Variants in CNTNAP5 observed in about 807,000 individuals in gnomAD.
The protein encoded by CNTNAP5 is contactin associated protein family member 5.
CNTNAP5 carries 72 observed loss-of-function variants against 150.2 expected under a neutral mutation model. The ratio of observed to expected loss-of-function variants is 0.48; its 90% CI spans 0.40 to 0.58. The LOEUF (loss-of-function observed/expected upper bound fraction) is 0.58. Among genes scored for constraint, CNTNAP5 ranks in the 20% least tolerant of loss-of-function variants. The probability of loss-of-function intolerance (pLI) is 0.00; values close to 1 mark genes in which losing one functional copy is unlikely to be tolerated. For missense variants in CNTNAP5, 1,636 were observed against 1,626.2 expected (o/e 1.01, Z -0.10); for synonymous variants, 672 against 619.8 (o/e 1.08, Z -1.25).
At chr2:124,466,571 C>T (rs983353960) in intron 6 of CNTNAP5, among the ~76,000 whole-genome samples, 2 of 152,074 alleles carry the variant, frequency 1.3e-5, no homozygotes, top group Non-Finnish European at 2.9e-5. Context: ...CGAATTTGTA[C>T]CAAACAATTG....
At chr2:124,695,723 G>A (rs1679392101) in intron 13 of CNTNAP5, among the ~76,000 whole-genome samples, 1 of 152,158 alleles carries the variant, frequency 6.6e-6, no homozygotes, top group Admixed American at 6.6e-5. Flanking sequence ...GGGTCCAGAT[G>A]GAGGGAGCTA....
chr2:124,430,344 T>C, intron 4 of CNTNAP5, among the ~76,000 whole-genome samples: 1 of 152,152 alleles, frequency 6.6e-6, no homozygotes, highest in East Asian at 1.9e-4. Context: ...ATAATAATAG[T>C]ATTTTCCTCA....
At chr2:124,154,080 T>C (rs1684469953) in intron 1 of CNTNAP5, among the ~76,000 whole-genome samples, 1 of 152,142 alleles carries the variant, frequency 6.6e-6, no homozygotes, top group African/African-American at 2.4e-5. Context: ...TCATAACAAG[T>C]AGATACATCA....
At chr2:124,074,695 A>T (rs1682396196) in intron 1 of CNTNAP5, among the ~76,000 whole-genome samples, 1 of 152,004 alleles carries the variant, frequency 6.6e-6, no homozygotes, top group African/African-American at 2.4e-5. Flanking sequence ...CTGAGTGGAG[A>T]ATGTGGAATG....
intron 13 of CNTNAP5, among the ~76,000 whole-genome samples, chr2:124,744,068 A>G (rs1393028932): frequency 6.6e-6 from 1 of 151,952 alleles, no homozygotes; most frequent in Non-Finnish European, 1.5e-5. Context: ...CCTGTTTTAT[A>G]TTTTCCATAT....
At chr2:124,420,767 T>C (rs1478739079) in intron 4 of CNTNAP5, among the ~76,000 whole-genome samples, 1 of 152,200 alleles carries the variant, frequency 6.6e-6, no homozygotes, top group Non-Finnish European at 1.5e-5. Flanking sequence ...CTTCCCCTTC[T>C]TGATGGCCCG....
At chr2:124,118,796 T>C (rs1683489023) in intron 1 of CNTNAP5, among the ~76,000 whole-genome samples, 2 of 152,164 alleles carry the variant, frequency 1.3e-5, no homozygotes, top group Non-Finnish European at 2.9e-5. Flanking sequence ...ATAACCCACA[T>C]GCTAAAAAAA....
intron 11 of CNTNAP5, among the ~76,000 whole-genome samples, chr2:124,575,721 T>A (rs748835429): frequency 1.3e-5 from 2 of 152,222 alleles, no homozygotes; most frequent in African/African-American, 2.4e-5. Context: ...CTTGAGGTCA[T>A]GCACTTTGGC....
intron 3 of CNTNAP5, among the ~76,000 whole-genome samples, chr2:124,285,640 GAA>G (rs543856032): frequency 6.9e-6 from 1 of 144,004 alleles, no homozygotes; most frequent in Non-Finnish European, 1.5e-5. Flanking sequence ...TCCTCTGCAA[GAA>G]AAAAAAAAAA....
intron 1 of CNTNAP5, among the ~76,000 whole-genome samples, chr2:124,130,047 A>G (rs1044587096): frequency 1.2e-4 from 19 of 152,164 alleles, no homozygotes; most frequent in African/African-American, 4.6e-4. Flanking sequence ...AATTTGCCAA[A>G]TTCAAAGCCT....
chr2:124,296,611 C>T (rs1688437045), intron 3 of CNTNAP5, among the ~76,000 whole-genome samples: 2 of 152,156 alleles, frequency 1.3e-5, no homozygotes, highest in Non-Finnish European at 2.9e-5. Flanking sequence ...GAAAGTCATT[C>T]CAAAGTGCCA....
intron 2 of CNTNAP5, among the ~76,000 whole-genome samples, chr2:124,230,013 T>C (rs770504372): frequency 2.0e-5 from 3 of 152,108 alleles, no homozygotes; most frequent in Admixed American, 1.3e-4. Flanking sequence ...TAAGTTGAGA[T>C]TGTGTGTTTC....
At chr2:124,881,065 C>CA (rs1677955026) in intron 21 of CNTNAP5, among the ~76,000 whole-genome samples, 5 of 152,088 alleles carry the variant, frequency 3.3e-5, no homozygotes, top group Admixed American at 1.3e-4. Context: ...ACAAGGGAAA[C>CA]AAGAACAGTC....
At chr2:124,541,748 T>C (rs142822557) in intron 10 of CNTNAP5, among the ~76,000 whole-genome samples, 5 of 152,254 alleles carry the variant, frequency 3.3e-5, no homozygotes, top group South Asian at 4.1e-4. Context: ...AAGCCAACTA[T>C]CGATAAATAG....
At chr2:124,522,201 G>A (rs1026813888) in intron 8 of CNTNAP5, among the ~76,000 whole-genome samples, 7 of 152,120 alleles carry the variant, frequency 4.6e-5, no homozygotes, top group African/African-American at 7.2e-5. Flanking sequence ...CCACTCTGAC[G>A]GTCTGGCACA....
intron 3 of CNTNAP5, among the ~76,000 whole-genome samples, chr2:124,370,822 T>G (rs1338655421): frequency 6.6e-6 from 1 of 152,094 alleles, no homozygotes; most frequent in African/African-American, 2.4e-5. Flanking sequence ...AAAGACAGAT[T>G]AACAAGAGAA....
intron 1 of CNTNAP5, among the ~76,000 whole-genome samples, chr2:124,218,734 C>G (rs1219841352): frequency 6.6e-6 from 1 of 152,090 alleles, no homozygotes; most frequent in Admixed American, 6.6e-5. Flanking sequence ...TCCTGGAGGT[C>G]AGCACCTCAT....
At chr2:124,891,230 G>A (rs776123407) in intron 21 of CNTNAP5, among the ~76,000 whole-genome samples, 11 of 152,052 alleles carry the variant, frequency 7.2e-5, no homozygotes, top group Non-Finnish European at 1.5e-4. Context: ...CACATGCTGG[G>A]TGCCTTGATG....
At chr2:124,721,059 A>G (rs1355836251) in intron 13 of CNTNAP5, among the ~76,000 whole-genome samples, 1 of 152,128 alleles carries the variant, frequency 6.6e-6, no homozygotes, top group Non-Finnish European at 1.5e-5. Flanking sequence ...CATTAATCAG[A>G]CAGAGGAAGA....
Sources: gnomAD v4.1 joint callset for allele counts (sites outside exome capture counted in the v4.1 genomes callset) on GRCh38, gnomAD v4.1.1 for gene constraint, MANE v1.5 for transcripts, NCBI Gene and HGNC (gene_info 2026-07-23, HGNC 2026-07-21) for gene names.